OR8D4: variants seen among roughly 807,000 people sequenced by gnomAD.
OR8D4 encodes the protein olfactory receptor family 8 subfamily D member 4, also known as olfactory receptor 8D4.
For missense variants in OR8D4, 359 were observed against 372.6 expected (o/e 0.96, Z 0.30); for synonymous variants, 141 against 134.8 (o/e 1.05, Z -0.32).
At chr11:123,904,789 G>T (rs895763269) in intron 1 of OR8D4, among the ~76,000 whole-genome samples, 1 of 152,190 alleles carries the variant, frequency 6.6e-6, no homozygotes, top group African/African-American at 2.4e-5. Flanking sequence ...GCCTACGGAA[G>T]TTTGGCTTGT....
At chr11:123,905,392 A>G (rs954633661) in intron 1 of OR8D4, among the ~76,000 whole-genome samples, 1 of 152,214 alleles carries the variant, frequency 6.6e-6, no homozygotes, top group Non-Finnish European at 1.5e-5. Context: ...TTTGATAAAT[A>G]TTGTATTTAT....
intron 1 of OR8D4, among the ~76,000 whole-genome samples, chr11:123,902,771 T>C (rs1355736032): frequency 6.6e-6 from 1 of 152,106 alleles, no homozygotes; most frequent in Non-Finnish European, 1.5e-5. Flanking sequence ...TTGAAAGATT[T>C]AGGGAAAAAG....
rs1407686314 is a variant in OR8D4 at position 123,906,698 on chromosome 11, T to C, written c.267T>C (p.Asp89=). The C allele has an allele frequency of 1.9e-6, 3 of 1,613,884 alleles. No individual in the cohort carries two copies. Among genetic ancestry groups the C allele is most frequent in the East Asian group, 2.2e-5 (1 of 44,888 alleles). The change falls in exon 2 of 2, where the codon GAT becomes GAC. Residue 89 remains aspartate, a synonymous_variant. Transcript: ENST00000641687. The stretch of plus-strand genomic sequence containing the variant: ...TGCTATCAGGGTTTTTATGCAGAGA[T>C]AGATCCATCTCCTATTCTGGATGCA... ...PKMLSGFLCR[D]RSISYSGCMI...
chr11:123,906,394 CT>C, intron 1 of OR8D4, 22 bp from the exon 2 acceptor site: 2 of 1,358,376 alleles, frequency 1.5e-6, no homozygotes, highest in South Asian at 2.7e-5. Context: ...TAGAATTTGA[CT>C]TTTTCTCTCT....
rs1395314086 is a variant in OR8D4 at position 123,909,113 on chromosome 11, G to A, written c.*1737G>A. 1 of 152,182 alleles carries A rather than the reference G, an allele frequency of 6.6e-6. No individual in the cohort carries two copies. The highest frequency in any genetic ancestry group is 1.5e-5 in the Non-Finnish European group (1 of 68,020). 9.4% of individuals were successfully genotyped at this position (152,182 alleles called of 1,614,324 possible). A position where few individuals can be genotyped will look rare whatever the true frequency, so the allele number is the denominator to read the frequency against. On this transcript the variant is annotated 3_prime_UTR_variant, in exon 2 of 2. Coordinates refer to ENST00000641687, the MANE Select transcript of OR8D4 (RefSeq NM_001005197.2). ...GGGAAAGATAGTGCTATTGGCCAGA[G>A]TGGAAGCAGAGAGGGTACTTTTGAT...
At position 123,907,301 on chromosome 11, in the gene OR8D4, T is replaced by C. The variant is rs369728924; in HGVS notation, c.870T>C (p.Tyr290=). The C allele has an allele frequency of 6.3e-7, 1 of 1,585,350 alleles. No individual in the cohort carries two copies. Among genetic ancestry groups the C allele is most frequent in the African/African-American group, 1.3e-5 (1 of 74,138 alleles). The change falls in exon 2 of 2, where the codon TAT becomes TAC. Residue 290 remains tyrosine (Y), a synonymous_variant. Transcript: ENST00000641687. ...TTCTCATGTTGAATCCCTTGATATATAGTCTGAGGAACAATGAAGTAAGAA... is the reference window on the plus strand; with the variant it reads ...TTCTCATGTTGAATCCCTTGATATACAGTCTGAGGAACAATGAAGTAAGAA... The part of the protein sequence containing the change: ...TVILMLNPLI[Y]SLRNNEVRNA...
intron 1 of OR8D4, among the ~76,000 whole-genome samples, chr11:123,903,109 A>G (rs943337414): frequency 8.6e-5 from 13 of 151,628 alleles, no homozygotes; most frequent in African/African-American, 3.2e-4. Flanking sequence ...TCCCTGAACA[A>G]TATACTAAAA....
chr11:123,902,272 TATG>T lies in OR8D4; in HGVS notation c.-16+19_-16+21del, dbSNP rs1863166799. The T allele has an allele frequency of 6.6e-6, 1 of 152,108 alleles. No individual in the cohort carries two copies. The highest frequency in any genetic ancestry group is 6.6e-5 in the Admixed American group (1 of 15,266). 9.4% of individuals were successfully genotyped at this position (152,108 alleles called of 1,614,324 possible). On this transcript the variant is annotated intron_variant, in intron 1 of 1. Coordinates refer to ENST00000641687, the MANE Select transcript of OR8D4 (RefSeq NM_001005197.2). ...GGAGGAAAAAGGTGAGCTTCAGAAT[TATG>T]ATGTTCATATTATAAGTATATTAAA...
In OR8D4 at chr11:123,906,572, A is replaced by G; in HGVS notation, c.141A>G (p.Ser47=). The G allele has an allele frequency of 1.2e-6, 2 of 1,613,804 alleles. No individual in the cohort carries two copies. Among genetic ancestry groups the G allele is most frequent in the South Asian group, 2.2e-5 (2 of 91,074 alleles). Residue 47 remains serine (S), a synonymous_variant, in exon 2 of 2, where the codon TCA becomes TCG. Coordinates refer to ENST00000641687, the MANE Select transcript of OR8D4 (RefSeq NM_001005197.2). ...TGGTGGGAAACCTCAGCATGATCTC[A>G]ATTATTAGGCTGAATCGTCAACTTC... ...VTVVGNLSMI[S]IIRLNRQLHT... is the part of the protein sequence containing the mutation.
At chr11:123,904,781 C>T (rs1863187108) in intron 1 of OR8D4, among the ~76,000 whole-genome samples, 1 of 152,088 alleles carries the variant, frequency 6.6e-6, no homozygotes, top group Non-Finnish European at 1.5e-5. Flanking sequence ...CTCAAGCTGC[C>T]TACGGAAGTT....
At position 123,907,434 on chromosome 11, in the gene OR8D4, T is replaced by A; in HGVS notation, c.*58T>A. On this transcript the variant is annotated 3_prime_UTR_variant, in exon 2 of 2. Transcript: ENST00000641687. ...CATAATCATGATTATATGTATATAT[T>A]TATACCTTGACTATTTAAAAGTAAT... 1 of 748,932 alleles carries A rather than the reference T, an allele frequency of 1.3e-6. No homozygotes were observed. The highest frequency in any genetic ancestry group is 2.1e-6 in the Non-Finnish European group (1 of 469,568). 46.4% of individuals were successfully genotyped at this position (748,932 alleles called of 1,614,324 possible).
intron 1 of OR8D4, among the ~76,000 whole-genome samples, chr11:123,902,773 G>T (rs1863170817): frequency 6.6e-6 from 1 of 152,034 alleles, no homozygotes; most frequent in African/African-American, 2.4e-5. Flanking sequence ...GAAAGATTTA[G>T]GGAAAAAGAT....
In OR8D4 at chr11:123,906,398, TTC is replaced by T. The variant is rs773309076; in HGVS notation, c.-15-12_-15-11del. The T allele has an allele frequency of 4.3e-6, 6 of 1,396,484 alleles. No individual in the cohort carries two copies. Among genetic ancestry groups the T allele is most frequent in the Admixed American group, 2.1e-5 (1 of 47,194 alleles). 86.5% of individuals were successfully genotyped at this position (1,396,484 alleles called of 1,614,324 possible). A position where few individuals can be genotyped will look rare whatever the true frequency, so the allele number is the denominator to read the frequency against. ...ACAAACACTGATAGAATTTGACTTT[TTC>T]TCTCTCATCTCCACAGATTTCTCAG... On this transcript the variant is annotated splice_polypyrimidine_tract_variant and intron_variant, in intron 1 of 1. Coordinates refer to ENST00000641687, the MANE Select transcript of OR8D4 (RefSeq NM_001005197.2).
chr11:123,907,289 T>C lies in OR8D4; in HGVS notation c.858T>C (p.Asn286=). Residue 286 remains asparagine (N), a synonymous_variant, in exon 2 of 2, where the codon AAT becomes AAC. Transcript: ENST00000641687. ...VFYTTVILML[N]PLIYSLRNNE... is the part of the protein sequence containing the mutation. ...ATACCACTGTGATTCTCATGTTGAA[T>C]CCCTTGATATATAGTCTGAGGAACA... 1 of 1,600,512 alleles carries C rather than the reference T, an allele frequency of 6.2e-7. No homozygotes were observed. The highest frequency in any genetic ancestry group is 8.6e-7 in the Non-Finnish European group (1 of 1,168,198).
chr11:123,907,776 TG>T lies in OR8D4; in HGVS notation c.*401del, dbSNP rs1863218296. 6.7e-6 allele frequency: 1 copy of T among 148,214 alleles called. No homozygotes were observed. Among genetic ancestry groups the T allele is most frequent in the African/African-American group, 2.5e-5 (1 of 40,224 alleles). The allele number at this position is 148,214 out of a possible 1,614,324, so 9.2% of individuals were successfully genotyped here. On this transcript the variant is annotated 3_prime_UTR_variant, in exon 2 of 2. Transcript: ENST00000641687. ...AAAAAAAAAAAAAAAAAAAGTAATT[TG>T]AAATCAGATGAAATTATATATATTT... is the stretch of plus-strand genomic sequence containing the variant.
chr11:123,906,943 C>CAA lies in OR8D4; in HGVS notation c.514_515dup (p.Asn172LysfsTer28), dbSNP rs1399363204. ...ATACTCAGGTTGTCTTTCTGTGGAT[C>CAA]AAACATCATTAAACATTATTTCTGT... On this transcript the variant is annotated frameshift_variant, in exon 2 of 2. Transcript: ENST00000641687. LOFTEE classifies it low-confidence loss of function (END_TRUNC). The CAA allele has an allele frequency of 1.2e-6, 2 of 1,614,036 alleles. No individual in the cohort carries two copies. The highest frequency in any genetic ancestry group is 2.2e-5 in the South Asian group (2 of 91,080).
rs148324364 is a variant in OR8D4, at chr11:123,903,927, G to C, written c.-16+1670G>C. ...TTCAAAGATGGGCTTTACATAATCA[G>C]GTAATGCTTTCTGGCACAAAATGAA... On this transcript the variant is annotated intron_variant, in intron 1 of 1. Coordinates refer to ENST00000641687, the MANE Select transcript of OR8D4 (RefSeq NM_001005197.2). Among the ~76,000 whole-genome samples the C allele has an allele frequency of 5.5e-3, 839 of 152,242 alleles. 5 individuals are homozygous for C. Among genetic ancestry groups the C allele is most frequent in the African/African-American group, 0.018 (755 of 41,552 alleles).
At position 123,907,073 on chromosome 11, in the gene OR8D4, C is replaced by T. The variant is rs1863209119; in HGVS notation, c.642C>T (p.Ile214=). ...GFNMVATSLT[I]IISYAFILTS... ...ACATGGTGGCCACAAGCCTAACAATCATTATTTCATATGCTTTTATCCTCA... is the reference window on the plus strand; with the variant it reads ...ACATGGTGGCCACAAGCCTAACAATTATTATTTCATATGCTTTTATCCTCA... Residue 214 remains isoleucine (I), a synonymous_variant, in exon 2 of 2, where the codon ATC becomes ATT. Transcript: ENST00000641687. The T allele has an allele frequency of 6.2e-6, 10 of 1,614,060 alleles. No homozygotes were observed. The highest frequency in any genetic ancestry group is 8.5e-6 in the Non-Finnish European group (10 of 1,179,958).
In OR8D4 at chr11:123,908,940, T is replaced by G. The variant is rs997844583; in HGVS notation, c.*1564T>G. On this transcript the variant is annotated 3_prime_UTR_variant, in exon 2 of 2. Coordinates refer to ENST00000641687, the MANE Select transcript of OR8D4 (RefSeq NM_001005197.2). ...CTCTAGATCACTTAGGGAGTTTTAA[T>G]TCTATCCTAAGTACAATGAGAAGCA... is the stretch of plus-strand genomic sequence containing the variant. 9 of 152,208 alleles carry G rather than the reference T, an allele frequency of 5.9e-5. No homozygotes were observed. Among genetic ancestry groups the G allele is most frequent in the African/African-American group, 9.6e-5 (4 of 41,472 alleles). The allele number at this position is 152,208 out of a possible 1,614,324, so 9.4% of individuals were successfully genotyped here.
Sources: gnomAD v4.1 joint callset for allele counts (sites outside exome capture counted in the v4.1 genomes callset) on GRCh38, gnomAD v4.1.1 for gene constraint, MANE v1.5 for transcripts, NCBI Gene and HGNC (gene_info 2026-07-23, HGNC 2026-07-21) for gene names.